ZFHX3: variants seen among roughly 807,000 people sequenced by gnomAD.
ZFHX3 encodes zinc finger homeobox 3.
In ZFHX3, 42 loss-of-function variants were observed where a neutral mutation model predicts 279.1. That is an observed-to-expected ratio of 0.15 (90% CI 0.12 to 0.19). The LOEUF is 0.19. Ranked by LOEUF, ZFHX3 falls within the 10% of genes least tolerant of loss-of-function variation. The pLI is 1.00. For missense variants in ZFHX3, 4,981 were observed against 4,754.0 expected (o/e 1.05, Z -1.40); for synonymous variants, 2,293 against 1,957.8 (o/e 1.17, Z -4.52).
intron 1 of ZFHX3, among the ~76,000 whole-genome samples, chr16:73,055,694 G>GCACACACACACACACACACACA (rs753027373): frequency 5.1e-5 from 7 of 138,128 alleles, no homozygotes; most frequent in African/African-American, 1.6e-4. Context: ...GCGCGCGCGC[G>GCACACACACACACACACACACA]CGCGCACACA....
chr16:72,950,477 A>G lies in ZFHX3; in HGVS notation c.3208T>C (p.Leu1070=). Residue 1070 remains leucine (L), a synonymous_variant, in exon 3 of 10, where the codon TTG becomes CTG. Transcript: ENST00000268489. Reference sequence around the variant, plus strand: ...AAGGAGCTGGGCCTTACCTTGTACAACTTCAGGCTGGCCTCGTGCCTGGAG... The same window carrying G: ...AAGGAGCTGGGCCTTACCTTGTACAGCTTCAGGCTGGCCTCGTGCCTGGAG... The part of the protein sequence containing the change: ...VNSRHEASLK[L]YKHLQQHESG... 5 of 1,613,592 alleles carry G rather than the reference A, an allele frequency of 3.1e-6. No homozygotes were observed. The highest frequency in any genetic ancestry group is 1.7e-4 in the Middle Eastern group (1 of 6,054).
intron 1 of ZFHX3, among the ~76,000 whole-genome samples, chr16:73,775,751 A>C (rs1959228201): frequency 1.3e-5 from 2 of 152,170 alleles, no homozygotes; most frequent in East Asian, 1.9e-4. Context: ...TCCATTTTTT[A>C]ATAAGGCAGG....
At chr16:73,577,265 A>G (rs1017640963) in intron 2 of ZFHX3, among the ~76,000 whole-genome samples, 4 of 152,190 alleles carry the variant, frequency 2.6e-5, no homozygotes, top group African/African-American at 9.7e-5. Context: ...AAGGAAGTTC[A>G]GGTAGAAACT....
chr16:72,784,265 A>AAAAAC lies in ZFHX3; in HGVS notation c.*2894_*2898dup, dbSNP rs2035254616. ...TAGTAGCTCCATGAAAAAAAAAAAC[A>AAAAAC]AAAACAAAAACAAAAACCCAAACCA... On this transcript the variant is annotated 3_prime_UTR_variant, in exon 10 of 10. Transcript: ENST00000268489. 1 of 150,016 alleles carries AAAAAC rather than the reference A, an allele frequency of 6.7e-6. No individual in the cohort carries two copies. Among genetic ancestry groups the AAAAAC allele is most frequent in the Non-Finnish European group, 1.5e-5 (1 of 67,488 alleles). 9.3% of individuals were successfully genotyped at this position (150,016 alleles called of 1,614,324 possible).
chr16:73,151,755 T>C (rs57191059), intron 5 of ZFHX3, among the ~76,000 whole-genome samples: 5,226 of 152,008 alleles, frequency 0.034, 289 homozygotes, highest in African/African-American at 0.12. Flanking sequence ...CCAATCTCCA[T>C]GGGTTCCTTG....
chr16:73,833,721 T>A (rs1348729900), intron 1 of ZFHX3, among the ~76,000 whole-genome samples: 1 of 151,790 alleles, frequency 6.6e-6, no homozygotes, highest in African/African-American at 2.4e-5. Flanking sequence ...ACCTGCACAT[T>A]CTGCACATGT....
rs530068188 is a variant in ZFHX3, at chr16:73,670,354, A to G, written c.-1547+9826T>C. The stretch of plus-strand genomic sequence containing the variant: ...ACAAGGAATAGGAGTAAAATGGGAT[A>G]AAATTATAAAAGACGAAATGGCTCA... On this transcript the variant is annotated intron_variant, in intron 2 of 17. Coordinates refer to the ZFHX3 transcript ENST00000641206. Among the ~76,000 whole-genome samples, 45 of 152,346 alleles carry G rather than the reference A, an allele frequency of 3.0e-4. No homozygotes were observed. In the South Asian group the frequency reaches 4.6e-3, roughly 15 times the overall value.
At chr16:73,462,221 T>C (rs1274875328) in intron 2 of ZFHX3, among the ~76,000 whole-genome samples, 1 of 152,234 alleles carries the variant, frequency 6.6e-6, no homozygotes, top group Non-Finnish European at 1.5e-5. Flanking sequence ...TGTGACTTTG[T>C]TGAAGTAACT....
chr16:72,879,574 C>T (rs538578079), intron 4 of ZFHX3, among the ~76,000 whole-genome samples: 6 of 152,186 alleles, frequency 3.9e-5, no homozygotes, highest in African/African-American at 1.2e-4. Flanking sequence ...CACAGGCACC[C>T]GCCACCATAC....
intron 3 of ZFHX3, among the ~76,000 whole-genome samples, chr16:72,908,770 T>C (rs2039248957): frequency 6.6e-6 from 1 of 152,214 alleles, no homozygotes; most frequent in Admixed American, 6.5e-5. Flanking sequence ...TACGAGAACC[T>C]ACTTCAAGGC....
chr16:73,455,725 T>C (rs1361688540), intron 3 of ZFHX3, among the ~76,000 whole-genome samples: 5 of 101,078 alleles, frequency 4.9e-5, no homozygotes, highest in Non-Finnish European at 1.1e-4. Flanking sequence ...TTTTTTAAAA[T>C]ATTGCTTTTT....
intron 1 of ZFHX3, among the ~76,000 whole-genome samples, chr16:73,759,162 C>T (rs181431233): frequency 5.3e-5 from 8 of 152,282 alleles, no homozygotes; most frequent in African/African-American, 1.7e-4. Flanking sequence ...TTCTCTCTTA[C>T]ATGAAAGTCT....
Position 73,716,655 on chromosome 16 carries a change from G to GCACACA in ZFHX3, c.-1607-36416_-1607-36415insTGTGTG, listed in dbSNP as rs1567560122. On this transcript the variant is annotated intron_variant, in intron 1 of 17. Transcript: ENST00000641206. Reference sequence around the variant, plus strand: ...CACACACACACACACACACACGCATGCACGCACGCACAGACCTAACCGCCC... The same window carrying GCACACA: ...CACACACACACACACACACACGCATGCACACACACGCACGCACAGACCTAACCGCCC... Among the ~76,000 whole-genome samples, 119 of 100,622 alleles carry GCACACA rather than the reference G, an allele frequency of 1.2e-3. 1 individual carries two copies. Among genetic ancestry groups the GCACACA allele is most frequent in the African/African-American group, 3.5e-3 (99 of 28,202 alleles). The allele number at this position is 100,622 out of a possible 152,430, so 66.0% of individuals were successfully genotyped here.
chr16:73,271,709 G>T (rs1447813697), intron 4 of ZFHX3, among the ~76,000 whole-genome samples: 1 of 152,214 alleles, frequency 6.6e-6, no homozygotes, highest in African/African-American at 2.4e-5. Flanking sequence ...GCAGGTGCCT[G>T]ACAAAGGAGG....
chr16:73,196,414 C>T (rs556336771), intron 5 of ZFHX3, among the ~76,000 whole-genome samples: 12 of 152,060 alleles, frequency 7.9e-5, no homozygotes, highest in Non-Finnish European at 1.6e-4. Context: ...CTACGGACTT[C>T]GATACAGCCT....
intron 4 of ZFHX3, among the ~76,000 whole-genome samples, chr16:72,876,944 G>A (rs1351074534): frequency 6.6e-6 from 1 of 152,148 alleles, no homozygotes; most frequent in Non-Finnish European, 1.5e-5. Context: ...TGGCGGGGGA[G>A]AAAGGGGGGT....
intron 3 of ZFHX3, among the ~76,000 whole-genome samples, chr16:72,907,545 T>TTGTGTGTGTGTGTGTGTGTGTGTG (rs547618913): frequency 4.2e-5 from 5 of 120,480 alleles, no homozygotes; most frequent in Admixed American, 8.8e-5. Flanking sequence ...TTTCCTCTAT[T>TTGTGTGTGTGTGTGTGTGTGTGTG]TGTGTGTGTG....
chr16:73,634,417 A>G (rs1418724894), intron 2 of ZFHX3, among the ~76,000 whole-genome samples: 1 of 128,122 alleles, frequency 7.8e-6, no homozygotes, highest in East Asian at 2.1e-4. Context: ...AGGCAACTCA[A>G]CCAGTTATTA....
chr16:73,484,496 C>T (rs1022118314), intron 2 of ZFHX3, among the ~76,000 whole-genome samples: 2 of 152,128 alleles, frequency 1.3e-5, no homozygotes, highest in Non-Finnish European at 2.9e-5. Flanking sequence ...GATGGGCCAC[C>T]GGCATATCAG....
Sources: gnomAD v4.1 joint callset for allele counts (sites outside exome capture counted in the v4.1 genomes callset) on GRCh38, gnomAD v4.1.1 for gene constraint, MANE v1.5 for transcripts, NCBI Gene and HGNC (gene_info 2026-07-23, HGNC 2026-07-21) for gene names.